TRPC5OS: variants seen among roughly 807,000 people sequenced by gnomAD.
TRPC5OS encodes putative uncharacterized protein TRPC5OS.
For missense variants in TRPC5OS, 64 were observed against 79.3 expected, an observed-to-expected ratio of 0.81 and a Z score of 0.73; for synonymous variants, 30 against 29.3, an observed-to-expected ratio of 1.02 and a Z score of -0.08.
intron 1 of TRPC5OS, among the ~76,000 whole-genome samples, chrX:111,884,622 C>A (rs979778948): frequency 2.7e-5 from 3 of 112,665 alleles, no homozygotes; most frequent in Non-Finnish European, 3.7e-5. Context: ...TTAGATAAGG[C>A]CTAGTCAGAG....
intron 1 of TRPC5OS, among the ~76,000 whole-genome samples, chrX:111,884,843 G>A (rs1296090708): frequency 8.9e-6 from 1 of 112,817 alleles, no homozygotes; most frequent in East Asian, 2.8e-4. Context: ...GAGACATAGA[G>A]TTTAGTTAAG....
Position 111,895,964 on chromosome X carries a change from G to A in TRPC5OS, c.-532G>A, listed in dbSNP as rs1925040485. Reference sequence around the variant, plus strand: ...TTCAAAATCTAGGTAACCTTTTAAGGTGGAGACCGGTGGCCTGTTTGGGGC... The same window carrying A: ...TTCAAAATCTAGGTAACCTTTTAAGATGGAGACCGGTGGCCTGTTTGGGGC... On this transcript the variant is annotated 5_prime_UTR_variant, in exon 2 of 4. It adds an upstream start codon to the 5' untranslated region. Coordinates refer to ENST00000635763, the MANE Select transcript of TRPC5OS (RefSeq NM_001195578.2). The A allele has an allele frequency of 9.0e-6, 1 of 111,153 alleles. No individual in the cohort carries two copies. Among genetic ancestry groups the A allele is most frequent in the African/African-American group, 3.3e-5 (1 of 30,548 alleles). The allele number at this position is 111,153 out of a possible 1,213,427, so 9.2% of individuals were successfully genotyped here.
In TRPC5OS at chrX:111,901,545, C is replaced by G. The variant is rs975799769; in HGVS notation, c.-305C>G. 4 of 176,588 alleles carry G rather than the reference C, an allele frequency of 2.3e-5. No homozygotes were observed. Among genetic ancestry groups the G allele is most frequent in the African/African-American group, 1.2e-4 (4 of 33,035 alleles). 14.6% of individuals were successfully genotyped at this position (176,588 alleles called of 1,213,427 possible). ...TCTCTCTTTTTTATTATTAGGTCTG[C>G]TTTGCTGTTTTCTCTTGGCTGTGAC... is the stretch of plus-strand genomic sequence containing the variant. On this transcript the variant is annotated 5_prime_UTR_variant, in exon 4 of 4. Coordinates refer to ENST00000635763, the MANE Select transcript of TRPC5OS (RefSeq NM_001195578.2).
rs1426063684 is a variant in TRPC5OS, at chrX:111,903,150, A to G, written c.*965A>G. On this transcript the variant is annotated 3_prime_UTR_variant, in exon 4 of 4. Coordinates refer to ENST00000635763, the MANE Select transcript of TRPC5OS (RefSeq NM_001195578.2). ...TGGTACCTCAGGAACTAGATAAGAT[A>G]TATTCCAGTGTTTGCTTTGATTCTG... The G allele has an allele frequency of 8.9e-6, 1 of 111,738 alleles. No individual in the cohort carries two copies. The highest frequency in any genetic ancestry group is 3.3e-5 in the African/African-American group (1 of 30,767). The allele number at this position is 111,738 out of a possible 1,213,427, so 9.2% of individuals were successfully genotyped here. A position where few individuals can be genotyped will look rare whatever the true frequency, so the allele number is the denominator to read the frequency against.
At chrX:111,887,293 T>G (rs1332084556) in intron 1 of TRPC5OS, among the ~76,000 whole-genome samples, 2 of 112,660 alleles carry the variant, frequency 1.8e-5, no homozygotes, top group Non-Finnish European at 3.7e-5. Flanking sequence ...AATGTTGCTT[T>G]CTTTCTTTCT....
chrX:111,890,353 T>C (rs1924741740), intron 1 of TRPC5OS, among the ~76,000 whole-genome samples: 1 of 111,933 alleles, frequency 8.9e-6, no homozygotes, highest in African/African-American at 3.2e-5. Context: ...TCATCAGCTG[T>C]CATTAGTGTT....
chrX:111,880,321 C>T (rs753547010), intron 1 of TRPC5OS, among the ~76,000 whole-genome samples: 1 of 112,242 alleles, frequency 8.9e-6, no homozygotes, highest in Non-Finnish European at 1.9e-5. Context: ...ATATCTGGCA[C>T]ACAGTAGGTG....
rs77870285 is a variant in TRPC5OS at position 111,885,557 on chromosome X, T to TAAA, written c.-546+9289_-546+9291dup. Among the ~76,000 whole-genome samples, 95 of 106,221 alleles carry TAAA rather than the reference T, an allele frequency of 8.9e-4. No homozygotes were observed. In the East Asian group the frequency reaches 0.021, roughly 23 times the overall value. 92.2% of individuals were successfully genotyped at this position (106,221 alleles called of 115,157 possible). Reference sequence around the variant, plus strand: ...TAATCAAAGGGTTTTTTTTTTTTTTTAAAAAAAGAAAACTTTTCTTTGTCT... The same window carrying TAAA: ...TAATCAAAGGGTTTTTTTTTTTTTTTAAAAAAAAAAGAAAACTTTTCTTTGTCT... On this transcript the variant is annotated intron_variant, in intron 1 of 3. Coordinates refer to ENST00000635763, the MANE Select transcript of TRPC5OS (RefSeq NM_001195578.2).
chrX:111,883,851 G>T (rs1924346896), intron 1 of TRPC5OS, among the ~76,000 whole-genome samples: 1 of 112,808 alleles, frequency 8.9e-6, no homozygotes, highest in Non-Finnish European at 1.9e-5. Context: ...CATAAATATA[G>T]TTTAGTCCTA....
chrX:111,888,527 A>G (rs1252897975), intron 1 of TRPC5OS, among the ~76,000 whole-genome samples: 2 of 104,320 alleles, frequency 1.9e-5, no homozygotes, highest in African/African-American at 7.0e-5. Context: ...AAAAAAAAGA[A>G]AGAAAAGAAA....
At chrX:111,886,111 C>T (rs942173802) in intron 1 of TRPC5OS, among the ~76,000 whole-genome samples, 3 of 111,333 alleles carry the variant, frequency 2.7e-5, no homozygotes, top group Non-Finnish European at 3.8e-5. Context: ...GACACCCTGT[C>T]TCTACTAAAA....
At position 111,902,228 on chromosome X, in the gene TRPC5OS, C is replaced by CAA. The variant is rs1204937584; in HGVS notation, c.*44_*45insAA. On this transcript the variant is annotated 3_prime_UTR_variant, in exon 4 of 4. Transcript: ENST00000635763. ...CGTCCCCAGGGATGTGAAAACTGAT[C>CAA]ATTTCTCTGTTTTAATATATTCTTA... 3.5e-6 allele frequency: 3 copies of CAA among 859,520 alleles called. No individual in the cohort carries two copies. The Admixed American group carries it at 1.2e-4, about 34-fold the overall frequency. The allele number at this position is 859,520 out of a possible 1,213,427, so 70.8% of individuals were successfully genotyped here. A position where few individuals can be genotyped will look rare whatever the true frequency, so the allele number is the denominator to read the frequency against.
chrX:111,891,835 C>A (rs1243229313), intron 1 of TRPC5OS, among the ~76,000 whole-genome samples: 1 of 111,835 alleles, frequency 8.9e-6, no homozygotes, highest in Non-Finnish European at 1.9e-5. Context: ...GAGTGAGCCA[C>A]CGCGCTTGGC....
rs1399229878 is a variant in TRPC5OS at position 111,901,961 on chromosome X, C to A, written c.112C>A (p.Pro38Thr). 1 of 1,154,705 alleles carries A rather than the reference C, an allele frequency of 8.7e-7. No homozygotes were observed. Among genetic ancestry groups the A allele is most frequent in the African/African-American group, 1.8e-5 (1 of 56,186 alleles). ...ATTCATTCTACAAGTACAAGAAGTT[C>A]CTTATGTAGAAGAAAATGGTAGAGC... ...LQFILQVQEV[P>T]YVEENGRAEE... The change falls in exon 4 of 4, where the codon CCT (proline) becomes ACT (threonine). Residue 38 changes from proline to threonine, a missense_variant. Pro to Thr is a conservative substitution (Grantham distance 38). Transcript: ENST00000635763.
chrX:111,899,435 A>T (rs1291951064), intron 3 of TRPC5OS, among the ~76,000 whole-genome samples: 1 of 111,758 alleles, frequency 8.9e-6, no homozygotes, highest in Non-Finnish European at 1.9e-5. Context: ...ACAAGAAAAG[A>T]TGATGGAAAA....
At chrX:111,899,282 T>C (rs1330906651) in intron 3 of TRPC5OS, among the ~76,000 whole-genome samples, 1 of 111,791 alleles carries the variant, frequency 8.9e-6, no homozygotes, top group Non-Finnish European at 1.9e-5. Context: ...TACATTTCTC[T>C]TATAAGAGAG....
chrX:111,890,065 A>G (rs1924729741), intron 1 of TRPC5OS, among the ~76,000 whole-genome samples: 1 of 111,818 alleles, frequency 8.9e-6, no homozygotes, highest in South Asian at 3.7e-4. Flanking sequence ...TTCTGCATCC[A>G]TGGAGTCAAC....
chrX:111,879,393 G>A (rs1337626073), intron 1 of TRPC5OS, among the ~76,000 whole-genome samples: 1 of 111,921 alleles, frequency 8.9e-6, no homozygotes, highest in Non-Finnish European at 1.9e-5. Flanking sequence ...ATGGTCACAG[G>A]GAATGAATGG....
chrX:111,901,467 C>A (rs16986673), intron 3 of TRPC5OS, 73 bp from the exon 4 acceptor site: 6,198 of 116,698 alleles, frequency 0.053, 419 homozygotes, highest in African/African-American at 0.19. Context: ...TAGGGGTAAC[C>A]AGTAGCCATA....
Sources: allele counts gnomAD v4.1 joint callset (sites outside exome capture counted in the v4.1 genomes callset), GRCh38; gene constraint gnomAD v4.1.1; transcripts MANE v1.5; gene names NCBI Gene and HGNC (gene_info 2026-07-23, HGNC 2026-07-21).